The following SLC30A7 variants were observed in gnomAD, a reference collection of about 807,000 sequenced individuals.
The protein encoded by SLC30A7 is zinc transporter 7.
SLC30A7 carries 35 observed loss-of-function variants against 46.0 expected under a neutral mutation model. The observed-to-expected ratio is 0.76, with a 90% CI of 0.58 to 1.01. SLC30A7 has a LOEUF of 1.01. Among genes scored for constraint, SLC30A7 ranks in the 50% least tolerant of loss-of-function variants. SLC30A7 has a pLI of 0.00. For synonymous variants in SLC30A7, 147 were observed against 157.8 expected (o/e 0.93, Z 0.51); for missense variants, 464 against 451.1 (o/e 1.03, Z -0.26).
chr1:100,906,385 C>T (rs772598353), intron 2 of SLC30A7, among the ~76,000 whole-genome samples: 4 of 152,220 alleles, frequency 2.6e-5, no homozygotes, highest in East Asian at 1.9e-4. Flanking sequence ...ATGATCTTGC[C>T]GCTCTCCCTC....
At chr1:100,911,961 G>A (rs1652127836) in intron 4 of SLC30A7, 151 bp from the exon 5 acceptor site, 6 of 644,988 alleles carry the variant, frequency 9.3e-6, no homozygotes, top group Admixed American at 2.6e-5. Flanking sequence ...TGTGAGCTCT[G>A]GTTTTATTTC....
rs140152448 is a variant in SLC30A7, at chr1:100,896,300, C to T, written c.38C>T (p.Pro13Leu). 242 of 1,614,128 alleles carry T rather than the reference C, an allele frequency of 1.5e-4. No individual in the cohort carries two copies. Among genetic ancestry groups the T allele is most frequent in the Middle Eastern group, 1.5e-3 (9 of 6,084 alleles). ...PLSIKDDEYK[P>L]PKFNLFGKIS... ...TCCATCAAAGACGATGAATACAAAC[C>T]ACCCAAGTTCAATTTGTTCGGCAAG... Residue 13 changes from proline to leucine, a missense_variant, in exon 1 of 11, where the codon CCA becomes CTA. Coordinates refer to ENST00000357650, the MANE Select transcript of SLC30A7 (RefSeq NM_133496.5).
intron 3 of SLC30A7, among the ~76,000 whole-genome samples, chr1:100,910,478 A>G (rs1652012220): frequency 6.6e-6 from 1 of 152,164 alleles, no homozygotes; most frequent in Admixed American, 6.5e-5. Flanking sequence ...TAGGTAATTG[A>G]AAGTTTATGC....
the SLC30A7 span, among the ~76,000 whole-genome samples, chr1:100,991,111 T>A: frequency 6.7e-6 from 1 of 149,656 alleles, no homozygotes; most frequent in South Asian, 2.1e-4. Flanking sequence ...TCTCATTTTT[T>A]AAAATGTAAT....
intron 10 of SLC30A7, among the ~76,000 whole-genome samples, chr1:100,969,154 A>G (rs1350216960): frequency 6.6e-6 from 1 of 152,214 alleles, no homozygotes; most frequent in East Asian, 1.9e-4. Flanking sequence ...AATTTTAACA[A>G]CCAGGTGTCT....
Position 100,955,199 on chromosome 1 carries a change from T to A in SLC30A7, c.843-6629T>A, listed in dbSNP as rs189714196. Among the ~76,000 whole-genome samples the A allele has an allele frequency of 4.5e-3, 684 of 152,212 alleles. 3 individuals are homozygous for A. The highest frequency in any genetic ancestry group is 7.5e-3 in the Non-Finnish European group (512 of 67,906). ...TTTTGTTTGGTTTGTTTATAATTAC[T>A]GGTAGATAATTTTATTTACTGTTGA... On this transcript the variant is annotated intron_variant, in intron 8 of 10. Coordinates refer to ENST00000357650, the MANE Select transcript of SLC30A7 (RefSeq NM_133496.5).
Position 100,981,083 on chromosome 1 carries a change from ATTG to A in SLC30A7, c.*6229_*6231del, listed in dbSNP as rs1437562489. 6.6e-6 allele frequency: 1 copy of A among 151,972 alleles called. No individual in the cohort carries two copies. Among genetic ancestry groups the A allele is most frequent in the Admixed American group, 6.6e-5 (1 of 15,254 alleles). 9.4% of individuals were successfully genotyped at this position (151,972 alleles called of 1,614,324 possible). ...CTTCACTGATTTTTCATCTGTTTTC[ATTG>A]TTATTTCCACTATAGAACTTCTACT... On this transcript the variant is annotated 3_prime_UTR_variant, in exon 11 of 11. Transcript: ENST00000357650.
chr1:100,901,652 C>A (rs1305649263), intron 2 of SLC30A7, among the ~76,000 whole-genome samples: 3 of 152,078 alleles, frequency 2.0e-5, no homozygotes, highest in African/African-American at 4.8e-5. Context: ...CTATGTTGAC[C>A]AGGCTGGTCT....
intron 8 of SLC30A7, among the ~76,000 whole-genome samples, chr1:100,926,883 A>G (rs1653337655): frequency 6.6e-6 from 1 of 152,222 alleles, no homozygotes; most frequent in Admixed American, 6.5e-5. Flanking sequence ...GTAGGCTAAG[A>G]TGCTATTTTA....
At chr1:100,903,260 G>C (rs1651423724) in intron 2 of SLC30A7, among the ~76,000 whole-genome samples, 1 of 151,902 alleles carries the variant, frequency 6.6e-6, no homozygotes, top group East Asian at 1.9e-4. Flanking sequence ...ACAGTATTTT[G>C]CCATATTAAT....
chr1:100,948,374 C>T (rs1040730233), intron 8 of SLC30A7, among the ~76,000 whole-genome samples: 12 of 152,228 alleles, frequency 7.9e-5, no homozygotes, highest in Admixed American at 5.2e-4. Flanking sequence ...TTGGCCCCCA[C>T]TCTCTTCTGG....
At chr1:100,958,577 T>A (rs1655364546) in intron 8 of SLC30A7, among the ~76,000 whole-genome samples, 1 of 152,250 alleles carries the variant, frequency 6.6e-6, no homozygotes, top group Non-Finnish European at 1.5e-5. Flanking sequence ...CCAGATGTTT[T>A]ACTTACTGTG....
intron 10 of SLC30A7, among the ~76,000 whole-genome samples, chr1:100,970,714 G>A (rs1656114351): frequency 6.7e-6 from 1 of 148,700 alleles, no homozygotes. Flanking sequence ...TACTAGATTA[G>A]GAAGGCAATT....
chr1:100,916,967 C>T (rs1033106960), intron 6 of SLC30A7, among the ~76,000 whole-genome samples: 3 of 152,110 alleles, frequency 2.0e-5, no homozygotes, highest in African/African-American at 7.2e-5. Flanking sequence ...ACATAGTTTG[C>T]AAATATTTTC....
the SLC30A7 span, among the ~76,000 whole-genome samples, chr1:100,989,331 CCAAA>C: frequency 6.6e-6 from 1 of 152,174 alleles, no homozygotes; most frequent in East Asian, 1.9e-4. Context: ...CTATTTAAAA[CCAAA>C]CAGCAACTGT....
At chr1:100,917,931 T>TTAAATTTAATAAAATAATTGAGTGGAGG in intron 6 of SLC30A7, 146 bp from the exon 7 acceptor site, 1 of 480,490 alleles carries the variant, frequency 2.1e-6, no homozygotes, top group Non-Finnish European at 3.6e-6. Flanking sequence ...AATTATTTTA[T>TTAAATTTAATAAAATAATTGAGTGGAGG]TAAATTTAAA....
At chr1:100,944,472 G>T (rs1457025257) in intron 8 of SLC30A7, among the ~76,000 whole-genome samples, 1 of 151,916 alleles carries the variant, frequency 6.6e-6, no homozygotes, top group African/African-American at 2.4e-5. Context: ...AAAAAAAATT[G>T]GCTCCTTTTG....
intron 8 of SLC30A7, among the ~76,000 whole-genome samples, chr1:100,942,923 G>A (rs1305326341): frequency 6.6e-6 from 1 of 152,188 alleles, no homozygotes; most frequent in Admixed American, 6.5e-5. Context: ...AACTATGTGG[G>A]TAAGAGAGAA....
intron 8 of SLC30A7, among the ~76,000 whole-genome samples, chr1:100,956,560 C>T (rs1183078042): frequency 2.0e-5 from 3 of 152,078 alleles, no homozygotes; most frequent in African/African-American, 7.2e-5. Context: ...CTGATCTCCT[C>T]AAGGATTATT....
Sources: gnomAD v4.1 joint callset for allele counts (sites outside exome capture counted in the v4.1 genomes callset) on GRCh38, gnomAD v4.1.1 for gene constraint, MANE v1.5 for transcripts, NCBI Gene and HGNC (gene_info 2026-07-23, HGNC 2026-07-21) for gene names.